Variants in RORA observed in about 807,000 individuals in gnomAD.
RORA encodes the protein nuclear receptor ROR-alpha.
In RORA, 7 loss-of-function variants were observed where a neutral mutation model predicts 69.5. The observed-to-expected ratio is 0.10, with a 90% CI of 0.06 to 0.19. RORA has a LOEUF of 0.19. Ranked by LOEUF, RORA falls within the 10% of genes least tolerant of loss-of-function variation. RORA has a pLI of 1.00. For missense variants in RORA, 457 were observed against 663.0 expected (o/e 0.69, Z 3.41); for synonymous variants, 261 against 240.8 (o/e 1.08, Z -0.78).
chr15:60,743,569 AC>A (rs2071606661), intron 1 of RORA, among the ~76,000 whole-genome samples: 4 of 152,214 alleles, frequency 2.6e-5, no homozygotes, highest in Admixed American at 2.6e-4. Flanking sequence ...TCTGCTATAG[AC>A]ACTGATAAGT....
At chr15:61,010,199 C>T (rs1041739577) in intron 1 of RORA, among the ~76,000 whole-genome samples, 4 of 152,128 alleles carry the variant, frequency 2.6e-5, no homozygotes, top group African/African-American at 9.7e-5. Context: ...TTATGAAAAT[C>T]CCTAGCTTTT....
chr15:60,575,072 G>A lies in RORA; in HGVS notation c.197-43221C>T, dbSNP rs117526676. ...CCTTCAGCTAAACCAGAAGGCCACC[G>A]AGAGCCCTAAGAGAGGAGATGATAA... On this transcript the variant is annotated intron_variant, in intron 2 of 10. Coordinates refer to ENST00000335670, the MANE Select transcript of RORA (RefSeq NM_134261.3). Among the ~76,000 whole-genome samples, 25 of 152,180 alleles carry A rather than the reference G, an allele frequency of 1.6e-4. No individual in the cohort carries two copies. The East Asian group carries it at 2.7e-3, about 16-fold the overall frequency.
intron 1 of RORA, among the ~76,000 whole-genome samples, chr15:61,155,251 T>C (rs1447626236): frequency 3.3e-5 from 5 of 152,000 alleles, no homozygotes; most frequent in Non-Finnish European, 5.9e-5. Context: ...AAAAATTAAT[T>C]TAAAAAGATG....
chr15:61,173,363 G>A (rs1423015768), intron 1 of RORA, among the ~76,000 whole-genome samples: 3 of 152,208 alleles, frequency 2.0e-5, no homozygotes, highest in African/African-American at 4.8e-5. Flanking sequence ...TGTTAATACA[G>A]TTCCATATTA....
intron 1 of RORA, among the ~76,000 whole-genome samples, chr15:60,826,789 CTTTTT>C (rs71904757): frequency 8.7e-4 from 86 of 99,274 alleles, no homozygotes; most frequent in Middle Eastern, 6.3e-3. Context: ...CTCTCTCTCT[CTTTTT>C]TTTTTAAAGA....
intron 2 of RORA, among the ~76,000 whole-genome samples, chr15:60,663,810 T>C (rs1257044692): frequency 1.3e-5 from 2 of 152,192 alleles, no homozygotes; most frequent in Non-Finnish European, 2.9e-5. Context: ...AGAAGAATCA[T>C]GTACGATATG....
intron 4 of RORA, 30 bp downstream of exon 4, chr15:60,514,586 A>C: frequency 6.2e-7 from 1 of 1,611,864 alleles, no homozygotes; most frequent in Non-Finnish European, 8.5e-7. Context: ...AACCCCGTGC[A>C]ACTGTACAAC....
intron 2 of RORA, among the ~76,000 whole-genome samples, chr15:60,623,963 A>C (rs1255753613): frequency 6.6e-6 from 1 of 151,782 alleles, no homozygotes; most frequent in African/African-American, 2.4e-5. Context: ...TTCCCACTAA[A>C]ATTCTTGCTC....
At chr15:60,604,060 G>C (rs894182315) in intron 2 of RORA, among the ~76,000 whole-genome samples, 2 of 150,346 alleles carry the variant, frequency 1.3e-5, no homozygotes, top group African/African-American at 4.9e-5. Flanking sequence ...TTGACCCTGG[G>C]AGGCGTAGGT....
chr15:60,666,637 G>C (rs1283654628), intron 2 of RORA, among the ~76,000 whole-genome samples: 1 of 152,182 alleles, frequency 6.6e-6, no homozygotes, highest in Non-Finnish European at 1.5e-5. Flanking sequence ...GATGCTACTT[G>C]TGTTGGCCTT....
At chr15:60,998,143 C>G (rs7164992) in intron 1 of RORA, among the ~76,000 whole-genome samples, 64,748 of 152,040 alleles carry the variant, frequency 0.43, 14,968 homozygotes, top group Non-Finnish European at 0.52. Context: ...TCCTTTTAAC[C>G]AAAGCTGCCT....
In RORA at chr15:60,813,400, G is replaced by A. The variant is rs945076046; in HGVS notation, c.167-134714C>T. 2.2e-4 allele frequency among the ~76,000 whole-genome samples: 33 copies of A among 152,110 alleles called. 1 individual carries two copies. Among genetic ancestry groups the A allele is most frequent in the Admixed American group, 2.0e-3 (30 of 15,280 alleles). The stretch of plus-strand genomic sequence containing the variant: ...TGCATGACGGGCTGTGTTTGCTCAC[G>A]TCCCACGAAGTGTATGGGTGGCAAA... On this transcript the variant is annotated intron_variant, in intron 1 of 10. Transcript: ENST00000335670.
At chr15:60,770,185 A>G (rs1017954977) in intron 1 of RORA, among the ~76,000 whole-genome samples, 8 of 152,312 alleles carry the variant, frequency 5.3e-5, no homozygotes, top group African/African-American at 9.6e-5. Flanking sequence ...TTTAAATTCT[A>G]AAAACTACAA....
At chr15:60,634,365 G>C (rs2069796315) in intron 2 of RORA, among the ~76,000 whole-genome samples, 5 of 151,016 alleles carry the variant, frequency 3.3e-5, no homozygotes, top group Admixed American at 3.3e-4. Context: ...GTGTATTCCA[G>C]ACATTTGTCT....
chr15:60,534,008 A>G lies in RORA; in HGVS notation c.197-2157T>C, dbSNP rs73420072. On this transcript the variant is annotated intron_variant, in intron 2 of 10. Coordinates refer to ENST00000335670, the MANE Select transcript of RORA (RefSeq NM_134261.3). This position sits in a 1 kb window ranked among gnomAD's most constrained non-coding sequence, Gnocchi z 5.0. ...TGAGGGAGATCAAGCATGTCTATTTAGTCCTTTACAAGAATATGAAGGCCC... is the reference window on the plus strand; with the variant it reads ...TGAGGGAGATCAAGCATGTCTATTTGGTCCTTTACAAGAATATGAAGGCCC... 9.4e-3 allele frequency among the ~76,000 whole-genome samples: 1,428 copies of G among 152,324 alleles called. 26 individuals are homozygous for G. The highest frequency in any genetic ancestry group is 0.032 in the African/African-American group (1,347 of 41,576).
At chr15:61,088,970 C>T (rs1248074969) in intron 1 of RORA, among the ~76,000 whole-genome samples, 1 of 152,150 alleles carries the variant, frequency 6.6e-6, no homozygotes, top group Non-Finnish European at 1.5e-5. Context: ...CTGTTCAAAA[C>T]GGTAGCCTCC....
intron 1 of RORA, among the ~76,000 whole-genome samples, chr15:60,865,301 A>G (rs1049684143): frequency 4.6e-5 from 7 of 152,210 alleles, no homozygotes; most frequent in African/African-American, 1.7e-4. Context: ...TTGGTCTAGA[A>G]GATCTCCAAG....
intron 2 of RORA, among the ~76,000 whole-genome samples, chr15:60,624,471 C>CATAT (rs3053858): frequency 0.059 from 4,327 of 73,498 alleles, 225 homozygotes; most frequent in African/African-American, 0.092. Flanking sequence ...CCATTTGCTG[C>CATAT]ATATATATAT....
At position 60,496,446 on chromosome 15, in the gene RORA, A is replaced by G. The variant is rs1045656441; in HGVS notation, c.*1009T>C. On this transcript the variant is annotated 3_prime_UTR_variant, in exon 11 of 11. Coordinates refer to ENST00000335670, the MANE Select transcript of RORA (RefSeq NM_134261.3). This position sits in a 1 kb window ranked among gnomAD's most constrained non-coding sequence, Gnocchi z 4.5. ...CTCGCCTCCATGAGGTGGCATTTTA[A>G]AAAGCTTTAAAAAAAAAAAATGAGC... 15 of 152,250 alleles carry G rather than the reference A, an allele frequency of 9.9e-5. No individual in the cohort carries two copies. The highest frequency in any genetic ancestry group is 3.4e-4 in the African/African-American group (14 of 41,536). The allele number at this position is 152,250 out of a possible 1,614,324, so 9.4% of individuals were successfully genotyped here.
Sources: gnomAD v4.1 joint callset for allele counts (sites outside exome capture counted in the v4.1 genomes callset) on GRCh38, gnomAD v4.1.1 for gene constraint, Gnocchi (gnomAD v3.1) non-coding constraint, MANE v1.5 for transcripts, NCBI Gene and HGNC (gene_info 2026-07-23, HGNC 2026-07-21) for gene names.